The following SATB1 variants were observed in gnomAD, a reference collection of about 807,000 sequenced individuals.
SATB1 encodes the protein DNA-binding protein SATB1.
A neutral mutation model predicts 86.9 loss-of-function variants in SATB1; 11 were observed. The observed-to-expected ratio is 0.13, with a 90% CI of 0.08 to 0.21. The LOEUF (loss-of-function observed/expected upper bound fraction) is 0.21. Among genes scored for constraint, SATB1 ranks in the 10% least tolerant of loss-of-function variants. The pLI, the probability that SATB1 is intolerant of heterozygous loss-of-function variation, is 1.00. For synonymous variants in SATB1, 357 were observed against 357.2 expected (o/e 1.00, Z 0.01); for missense variants, 551 against 937.6 (o/e 0.59, Z 5.39).
intron 6 of SATB1, among the ~76,000 whole-genome samples, chr3:18,395,919 A>G (rs1226154019): frequency 6.6e-6 from 1 of 152,210 alleles, no homozygotes; most frequent in East Asian, 1.9e-4. Flanking sequence ...CATAAACAGG[A>G]CTTTCCAAAT....
intron 8 of SATB1, among the ~76,000 whole-genome samples, chr3:18,383,056 A>G (rs1341245155): frequency 6.6e-6 from 1 of 152,246 alleles, no homozygotes; most frequent in Non-Finnish European, 1.5e-5. Flanking sequence ...GGTGCAAGAT[A>G]TTCTTATTTG....
intron 9 of SATB1, among the ~76,000 whole-genome samples, chr3:18,374,072 G>A (rs1431661494): frequency 6.6e-6 from 1 of 152,114 alleles, no homozygotes; most frequent in Non-Finnish European, 1.5e-5. Context: ...GCCCTTTACT[G>A]TCTTACTGCA....
Position 18,346,423 on chromosome 3 carries a change from C to G in SATB1, c.*2747G>C, listed in dbSNP as rs1694059842. The G allele has an allele frequency of 6.6e-6, 1 of 152,040 alleles. No homozygotes were observed. Among genetic ancestry groups the G allele is most frequent in the Non-Finnish European group, 1.5e-5 (1 of 67,986 alleles). The allele number at this position is 152,040 out of a possible 1,614,324, so 9.4% of individuals were successfully genotyped here. ...ATGAAGCTTGTTAAAGGAATTTTACCATAGCCACAGGTAACAAGAGGAGGA... is the reference window on the plus strand; with the variant it reads ...ATGAAGCTTGTTAAAGGAATTTTACGATAGCCACAGGTAACAAGAGGAGGA... On this transcript the variant is annotated 3_prime_UTR_variant, in exon 11 of 11. Transcript: ENST00000338745.
chr3:18,346,486 G>A lies in SATB1; in HGVS notation c.*2684C>T, dbSNP rs1462230704. The A allele has an allele frequency of 6.6e-6, 1 of 152,018 alleles. No individual in the cohort carries two copies. The highest frequency in any genetic ancestry group is 1.5e-5 in the Non-Finnish European group (1 of 67,984). 9.4% of individuals were successfully genotyped at this position (152,018 alleles called of 1,614,324 possible). A position where few individuals can be genotyped will look rare whatever the true frequency, so the allele number is the denominator to read the frequency against. On this transcript the variant is annotated 3_prime_UTR_variant, in exon 11 of 11. Transcript: ENST00000338745. The stretch of plus-strand genomic sequence containing the variant: ...ATAAATGACATTGGGGGAGCAATAT[G>A]GAAGATCATCTGGGCAAGTCTTTTC...
chr3:18,363,293 C>A (rs528558343), intron 9 of SATB1, among the ~76,000 whole-genome samples: 1 of 152,254 alleles, frequency 6.6e-6, no homozygotes, highest in Non-Finnish European at 1.5e-5. Context: ...AAAACCGCAT[C>A]ATTTTATCCA....
At chr3:18,367,804 T>C (rs1042930115) in intron 9 of SATB1, among the ~76,000 whole-genome samples, 1 of 152,188 alleles carries the variant, frequency 6.6e-6, no homozygotes, top group Non-Finnish European at 1.5e-5. Flanking sequence ...CAAAAATGTT[T>C]GCAAACATGA....
At chr3:18,380,890 CCTGGTTTAG>C (rs1357066257) in intron 8 of SATB1, among the ~76,000 whole-genome samples, 1 of 152,114 alleles carries the variant, frequency 6.6e-6, no homozygotes, top group Non-Finnish European at 1.5e-5. Flanking sequence ...CTTCTTTAAT[CCTGGTTTAG>C]CTTTTAATAT....
chr3:18,357,637 T>C (rs1044869238), intron 9 of SATB1, among the ~76,000 whole-genome samples: 4 of 151,328 alleles, frequency 2.6e-5, no homozygotes, highest in African/African-American at 7.3e-5. Flanking sequence ...TGAGTTCTAA[T>C]TGTCAGAGCT....
intron 8 of SATB1, among the ~76,000 whole-genome samples, chr3:18,378,887 G>A (rs1275667143): frequency 6.6e-6 from 1 of 150,924 alleles, no homozygotes; most frequent in Admixed American, 6.6e-5. Flanking sequence ...CCATGAAGCA[G>A]GTAGAGTGCC....
rs1559472949 is a variant in SATB1, at chr3:18,444,837, G to A, written c.-25+681C>T. The A allele has an allele frequency of 5.2e-6, 1 of 190,984 alleles. No individual in the cohort carries two copies. The highest frequency in any genetic ancestry group is 6.6e-5 in the Admixed American group (1 of 15,090). 11.8% of individuals were successfully genotyped at this position (190,984 alleles called of 1,614,324 possible). ...GCGTTTAAAGGGGAGAGCGAGGCGA[G>A]GAGCGAGCGAGCGAGCGCGCGGGGC... On this transcript the variant is annotated intron_variant, in intron 1 of 3. Transcript: ENST00000415069. The surrounding 1 kb of genome is among the most constrained non-coding windows in gnomAD (Gnocchi z 5.1).
chr3:18,399,461 C>T (rs573083330), intron 5 of SATB1, among the ~76,000 whole-genome samples: 1 of 152,114 alleles, frequency 6.6e-6, no homozygotes, highest in South Asian at 2.1e-4. Context: ...TAGGGGACGA[C>T]GGAAGGAAGA....
At chr3:18,417,548 T>C (rs545925026) in intron 2 of SATB1, 10 of 628,448 alleles carry the variant, frequency 1.6e-5, no homozygotes, top group Non-Finnish European at 2.8e-5. Flanking sequence ...ACAAATTATC[T>C]TCGACCACGA....
intron 1 of SATB1, chr3:18,445,136 C>T: frequency 1.2e-6 from 1 of 840,244 alleles, no homozygotes; most frequent in Non-Finnish European, 1.4e-6. Context: ...GTAGCCGCCG[C>T]TTCGGAGCTT....
Position 18,347,435 on chromosome 3 carries a change from T to C in SATB1, c.*1735A>G, listed in dbSNP as rs1422366535. The stretch of plus-strand genomic sequence containing the variant: ...TCCTATTTTCTTCATGTAGCTCTTA[T>C]AGTTATGAGATACACTTACGAGCTC... On this transcript the variant is annotated 3_prime_UTR_variant, in exon 11 of 11. Coordinates refer to ENST00000338745, the MANE Select transcript of SATB1 (RefSeq NM_002971.6). 2.6e-5 allele frequency: 4 copies of C among 152,194 alleles called. No homozygotes were observed. The highest frequency in any genetic ancestry group is 2.1e-4 in the South Asian group (1 of 4,822). The allele number at this position is 152,194 out of a possible 1,614,324, so 9.4% of individuals were successfully genotyped here.
At chr3:18,398,428 T>C (rs1313331628) in intron 5 of SATB1, among the ~76,000 whole-genome samples, 12 of 152,154 alleles carry the variant, frequency 7.9e-5, no homozygotes, top group Admixed American at 7.9e-4. Context: ...AGTTGGTCTA[T>C]GGTGAAATAA....
At chr3:18,405,308 T>G (rs1247551837) in intron 5 of SATB1, among the ~76,000 whole-genome samples, 3 of 151,972 alleles carry the variant, frequency 2.0e-5, no homozygotes, top group Non-Finnish European at 4.4e-5. Flanking sequence ...GATGCCCTTG[T>G]GTGGTTAAAT....
At chr3:18,431,245 C>T (rs77587221) in intron 2 of SATB1, among the ~76,000 whole-genome samples, 2,236 of 152,262 alleles carry the variant, frequency 0.015, 83 homozygotes, top group East Asian at 0.077. Context: ...TCCCTTCTCA[C>T]TTGAGGACCT....
intron 9 of SATB1, among the ~76,000 whole-genome samples, chr3:18,362,777 T>G (rs9873061): frequency 0.02 from 2,738 of 133,686 alleles, 50 homozygotes; most frequent in African/African-American, 0.043. Context: ...AAGTCACTAT[T>G]AAAAATTTAT....
chr3:18,357,526 T>C (rs1187627112), intron 9 of SATB1, among the ~76,000 whole-genome samples: 1 of 148,156 alleles, frequency 6.7e-6, no homozygotes, highest in African/African-American at 2.5e-5. Flanking sequence ...CCCACAAACA[T>C]GCTAATAGAG....
Sources: allele counts gnomAD v4.1 joint callset (sites outside exome capture counted in the v4.1 genomes callset), GRCh38; gene constraint gnomAD v4.1.1; non-coding constraint Gnocchi (gnomAD v3.1); transcripts MANE v1.5; gene names NCBI Gene and HGNC (gene_info 2026-07-23, HGNC 2026-07-21).